Variants in ACOT7 observed in about 807,000 individuals in gnomAD.
ACOT7 encodes cytosolic acyl coenzyme A thioester hydrolase.
In ACOT7, 12 loss-of-function variants were observed where a neutral mutation model predicts 40.2. The observed-to-expected ratio is 0.30, with a 90% confidence interval of 0.19 to 0.48. ACOT7 has a LOEUF of 0.48. Among genes scored for constraint, ACOT7 ranks in the 20% least tolerant of loss-of-function variants. The pLI is 0.99. For missense variants in ACOT7, 395 were observed against 530.8 expected (o/e 0.74, Z 2.51); for synonymous variants, 228 against 219.5 (o/e 1.04, Z -0.34).
chr1:6,346,986 G>A (rs911337390), intron 2 of ACOT7, among the ~76,000 whole-genome samples: 3 of 152,096 alleles, frequency 2.0e-5, no homozygotes, highest in Non-Finnish European at 1.5e-5. Flanking sequence ...CAGGAGTGTC[G>A]TTTTTTTGCA....
intron 6 of ACOT7, among the ~76,000 whole-genome samples, chr1:6,296,484 C>A (rs1389201320): frequency 6.6e-6 from 1 of 151,466 alleles, no homozygotes; most frequent in African/African-American, 2.4e-5. Context: ...AGTGCACTGG[C>A]GCGATCTCCG....
intron 2 of ACOT7, among the ~76,000 whole-genome samples, chr1:6,349,085 G>A (rs115042605): frequency 0.022 from 3,328 of 152,266 alleles, 115 homozygotes; most frequent in African/African-American, 0.076. Context: ...CCCAACAGCC[G>A]CCCTTCAGAG....
chr1:6,337,321 C>G (rs372132941), intron 3 of ACOT7, among the ~76,000 whole-genome samples: 5 of 152,216 alleles, frequency 3.3e-5, no homozygotes, highest in African/African-American at 1.2e-4. Context: ...TGGCTCTGCA[C>G]AGGAGCCTCT....
chr1:6,276,089 C>G (rs531348377), intron 8 of ACOT7, among the ~76,000 whole-genome samples: 1 of 152,250 alleles, frequency 6.6e-6, no homozygotes, highest in South Asian at 2.1e-4. Context: ...CCCCTCACCC[C>G]GCCCTGTCTA....
intron 2 of ACOT7, among the ~76,000 whole-genome samples, chr1:6,346,689 C>G (rs1641434112): frequency 1.3e-5 from 2 of 152,242 alleles, no homozygotes; most frequent in African/African-American, 4.8e-5. Flanking sequence ...ACAAACCAGG[C>G]AGCAGGGACC....
At chr1:6,362,067 G>C (rs1553161697) in intron 1 of ACOT7, among the ~76,000 whole-genome samples, 1 of 152,232 alleles carries the variant, frequency 6.6e-6, no homozygotes, top group Non-Finnish European at 1.5e-5. Context: ...TCGAGGTTGT[G>C]TCTGGTTTCT....
intron 3 of ACOT7, among the ~76,000 whole-genome samples, chr1:6,336,313 G>A (rs546368400): frequency 5.7e-4 from 68 of 118,282 alleles, no homozygotes; most frequent in African/African-American, 2.0e-3. Context: ...TAGCCTGCAC[G>A]ACAGAGCAAG....
At chr1:6,335,647 G>C (rs1028860793) in intron 3 of ACOT7, among the ~76,000 whole-genome samples, 1 of 152,138 alleles carries the variant, frequency 6.6e-6, no homozygotes, top group Admixed American at 6.6e-5. Context: ...CCAGTTACCT[G>C]AACCTGCCTC....
chr1:6,385,952 A>C, intron 1 of ACOT7: 1 of 725,290 alleles, frequency 1.4e-6, no homozygotes, highest in Non-Finnish European at 2.1e-6. Flanking sequence ...GGACAGGGCC[A>C]CCACCCCTCT....
chr1:6,392,325 G>A (rs1642545538), intron 1 of ACOT7, among the ~76,000 whole-genome samples: 1 of 152,186 alleles, frequency 6.6e-6, no homozygotes, highest in Non-Finnish European at 1.5e-5. Context: ...ACCGGTCGCA[G>A]GCCACAGAGC....
intron 3 of ACOT7, 58 bp from the exon 4 acceptor site, chr1:6,333,626 GT>G: frequency 6.5e-7 from 1 of 1,549,790 alleles, no homozygotes; most frequent in South Asian, 1.1e-5. Context: ...GAATGTGAGC[GT>G]CCAGGCACGT....
At chr1:6,277,688 C>G (rs923723380) in intron 8 of ACOT7, among the ~76,000 whole-genome samples, 6 of 152,380 alleles carry the variant, frequency 3.9e-5, no homozygotes, top group African/African-American at 1.4e-4. Context: ...CTCCAGGCCT[C>G]CGCTGAGGCT....
chr1:6,350,326 C>T (rs538909078), intron 1 of ACOT7, among the ~76,000 whole-genome samples: 14 of 152,198 alleles, frequency 9.2e-5, no homozygotes, highest in Non-Finnish European at 1.8e-4. Flanking sequence ...GTTCTGAGAA[C>T]TAAACATGAG....
chr1:6,384,856 A>T (rs761321724), intron 1 of ACOT7, among the ~76,000 whole-genome samples: 3 of 151,866 alleles, frequency 2.0e-5, no homozygotes, highest in Admixed American at 1.3e-4. Context: ...GGAGGTCATG[A>T]TCCCACAGCT....
rs1158393023 is a variant in ACOT7, at chr1:6,311,769, G to A, written c.712+6723C>T. Reference sequence around the variant, plus strand: ...CTCATGGACACACGAGTCCAGGAGCGCCCCTTTCTCACAGCCGTTTCTCTT... The same window carrying A: ...CTCATGGACACACGAGTCCAGGAGCACCCCTTTCTCACAGCCGTTTCTCTT... On this transcript the variant is annotated intron_variant, in intron 6 of 8. Transcript: ENST00000361521. This position sits in a 1 kb window ranked among gnomAD's most constrained non-coding sequence, Gnocchi z 5.2. Among the ~76,000 whole-genome samples, 5 of 152,298 alleles carry A rather than the reference G, an allele frequency of 3.3e-5. No individual in the cohort carries two copies. The highest frequency in any genetic ancestry group is 3.9e-4 in the East Asian group (2 of 5,186).
intron 1 of ACOT7, among the ~76,000 whole-genome samples, chr1:6,371,100 C>T (rs578260102): frequency 6.6e-6 from 1 of 152,232 alleles, no homozygotes; most frequent in East Asian, 1.9e-4. Context: ...TGAGCCACCG[C>T]ACCCGGCCTG....
At chr1:6,321,846 C>T (rs1470052677) in intron 5 of ACOT7, among the ~76,000 whole-genome samples, 1 of 152,220 alleles carries the variant, frequency 6.6e-6, no homozygotes, top group African/African-American at 2.4e-5. Context: ...TCCTTCCGTT[C>T]CCAGGTCAAT....
chr1:6,369,045 A>G (rs1461005248), intron 1 of ACOT7, among the ~76,000 whole-genome samples: 2 of 151,914 alleles, frequency 1.3e-5, no homozygotes, highest in African/African-American at 4.8e-5. Context: ...GCAATGGCAC[A>G]ATCTTGGCTC....
At chr1:6,292,889 CTTTTTTTTTTTT>C (rs973103642) in intron 7 of ACOT7, among the ~76,000 whole-genome samples, 1 of 125,084 alleles carries the variant, frequency 8.0e-6, no homozygotes. Context: ...ATTTCTTTTT[CTTTTTTTTTTTT>C]TTTTTTGAGA....
Sources: allele counts gnomAD v4.1 joint callset (sites outside exome capture counted in the v4.1 genomes callset), GRCh38; gene constraint gnomAD v4.1.1; non-coding constraint Gnocchi (gnomAD v3.1); transcripts MANE v1.5; gene names NCBI Gene and HGNC (gene_info 2026-07-23, HGNC 2026-07-21).